Variants in SPAST observed in about 807,000 individuals in gnomAD.
SPAST encodes spastin, also known as spastic paraplegia 4 (autosomal dominant; spastin).
A neutral mutation model predicts 76.6 loss-of-function variants in SPAST; 30 were observed. That is an observed-to-expected ratio of 0.39 (90% CI 0.29 to 0.53). The LOEUF (loss-of-function observed/expected upper bound fraction) is 0.53. SPAST is among the 20% of genes least tolerant of loss of function. SPAST has a pLI of 0.68. For synonymous variants in SPAST, 305 were observed against 281.0 expected (o/e 1.09, Z -0.86); for missense variants, 717 against 770.5 (o/e 0.93, Z 0.82).
intron 7 of SPAST, among the ~76,000 whole-genome samples, chr2:32,119,377 C>T (rs548167616): frequency 4.0e-4 from 61 of 152,208 alleles, no homozygotes; most frequent in South Asian, 2.1e-3. Context: ...ACAATAGAGA[C>T]ATTGTTAGAT....
chr2:32,084,484 A>G (rs1273769893), intron 1 of SPAST, among the ~76,000 whole-genome samples: 6 of 152,060 alleles, frequency 3.9e-5, no homozygotes, highest in Non-Finnish European at 8.8e-5. Context: ...TCTTAAGCAT[A>G]TATCTTAAAG....
intron 1 of SPAST, among the ~76,000 whole-genome samples, chr2:32,086,938 CTT>C (rs930017664): frequency 7.2e-5 from 11 of 152,190 alleles, no homozygotes; most frequent in Admixed American, 4.6e-4. Context: ...TAAAGCTTAA[CTT>C]GTATCAGGAA....
intron 12 of SPAST, among the ~76,000 whole-genome samples, chr2:32,137,462 G>T (rs149625936): frequency 2.2e-4 from 33 of 152,292 alleles, no homozygotes; most frequent in African/African-American, 7.0e-4. Flanking sequence ...CTTGAAAATT[G>T]ATTCTTACCG....
intron 1 of SPAST, among the ~76,000 whole-genome samples, chr2:32,085,696 T>C (rs1362509816): frequency 6.6e-6 from 1 of 152,108 alleles, no homozygotes; most frequent in Non-Finnish European, 1.5e-5. Context: ...TAGTACATAG[T>C]CATAAGGAGA....
intron 1 of SPAST, among the ~76,000 whole-genome samples, chr2:32,064,456 A>G (rs777207097): frequency 5.7e-4 from 87 of 152,132 alleles, no homozygotes; most frequent in Non-Finnish European, 1.1e-3. Flanking sequence ...GTAGCTGTCG[A>G]CTTTGTTTCA....
intron 1 of SPAST, among the ~76,000 whole-genome samples, chr2:32,075,547 C>CTTTTTTTTTTTTTTT (rs773998404): frequency 2.3e-5 from 2 of 85,494 alleles, no homozygotes; most frequent in Non-Finnish European, 4.1e-5. Flanking sequence ...TGGCTTTTTT[C>CTTTTTTTTTTTTTTT]TTTTTTTTTT....
At chr2:32,115,160 C>G (rs1678781386) in intron 5 of SPAST, among the ~76,000 whole-genome samples, 1 of 151,936 alleles carries the variant, frequency 6.6e-6, no homozygotes, top group South Asian at 2.1e-4. Context: ...GTTGGTCAGG[C>G]TGGTCTCAAA....
Position 32,110,889 on chromosome 2 carries a change from A to G in SPAST, c.683-3749A>G, listed in dbSNP as rs988684353. ...ACAGTATACTATATCGTGTGTATAG[A>G]GTATATATACAGTATACTATATCGT... On this transcript the variant is annotated intron_variant, in intron 4 of 16. Transcript: ENST00000315285. Among the ~76,000 whole-genome samples the G allele has an allele frequency of 5.0e-5, 5 of 100,210 alleles. 1 individual carries two copies. The highest frequency in any genetic ancestry group is 1.9e-4 in the African/African-American group (5 of 26,496). 65.7% of individuals were successfully genotyped at this position (100,210 alleles called of 152,430 possible). A position where few individuals can be genotyped will look rare whatever the true frequency, so the allele number is the denominator to read the frequency against.
intron 16 of SPAST, among the ~76,000 whole-genome samples, chr2:32,151,932 A>C (rs1680099139): frequency 1.3e-5 from 2 of 151,778 alleles, no homozygotes; most frequent in African/African-American, 4.8e-5. Context: ...AAAAAGAAAA[A>C]CCCAACTTAT....
chr2:32,088,617 C>T (rs1396727886), intron 2 of SPAST, among the ~76,000 whole-genome samples: 1 of 152,124 alleles, frequency 6.6e-6, no homozygotes, highest in African/African-American at 2.4e-5. Flanking sequence ...GCACTCCAGC[C>T]TGGGCAACAA....
chr2:32,154,544 C>T lies in SPAST; in HGVS notation c.*48C>T, dbSNP rs1680191616. 1.3e-6 allele frequency: 2 copies of T among 1,591,926 alleles called. No homozygotes were observed. Among genetic ancestry groups the T allele is most frequent in the Admixed American group, 1.7e-5 (1 of 59,956 alleles). ...AGAACATTTTACTTAAAAGAGGAAA[C>T]ACAAGATCTTCAATGAACGTCATCG... On this transcript the variant is annotated 3_prime_UTR_variant, in exon 17 of 17. Transcript: ENST00000315285.
rs574505158 is a variant in SPAST at position 32,146,282 on chromosome 2, G to A, written c.1688-936G>A. Among the ~76,000 whole-genome samples the A allele has an allele frequency of 3.3e-5, 5 of 152,312 alleles. No homozygotes were observed. The East Asian group carries it at 9.7e-4, about 29-fold the overall frequency. ...TCCATTAAAGTACAGAAAATGGCCGGGTGCAGTGGCTCACACCTATAATCC... is the reference window on the plus strand; with the variant it reads ...TCCATTAAAGTACAGAAAATGGCCGAGTGCAGTGGCTCACACCTATAATCC... On this transcript the variant is annotated intron_variant, in intron 15 of 16. Coordinates refer to ENST00000315285, the MANE Select transcript of SPAST (RefSeq NM_014946.4).
chr2:32,137,229 C>A (rs775776504), intron 12 of SPAST, 41 bp downstream of exon 12: 30 of 1,353,160 alleles, frequency 2.2e-5, no homozygotes, highest in Non-Finnish European at 3.0e-5. Flanking sequence ...TTATTACAGA[C>A]AATATTTACT....
chr2:32,082,591 G>C (rs1249089061), intron 1 of SPAST, among the ~76,000 whole-genome samples: 1 of 151,988 alleles, frequency 6.6e-6, no homozygotes, highest in African/African-American at 2.4e-5. Context: ...AGCTACTTGG[G>C]AGGCTGAGGC....
Position 32,064,204 on chromosome 2 carries a change from G to A in SPAST, c.373G>A (p.Glu125Lys). The change falls in exon 1 of 17, where the codon GAG becomes AAG. Residue 125 changes from glutamate to lysine, a missense_variant. By Grantham distance (56) the Glu-to-Lys change is moderately conservative (BLOSUM62 1). Around this residue, in one of 3 missense-constraint regions of SPAST, gnomAD observed 543 missense variants for 445.2 expected, o/e 1.22. Transcript: ENST00000315285. ...RVRVFHKQAF[E>K]YISIALRIDE... ...CCGAGTCTTCCACAAACAGGCCTTC[G>A]AGTACATCTCCATTGCCCTGCGCAT... 6.5e-7 allele frequency: 1 copy of A among 1,549,784 alleles called. No homozygotes were observed. The highest frequency in any genetic ancestry group is 8.7e-7 in the Non-Finnish European group (1 of 1,147,482).
chr2:32,096,367 A>G (rs1192928418), intron 3 of SPAST, among the ~76,000 whole-genome samples: 3 of 152,174 alleles, frequency 2.0e-5, no homozygotes, highest in East Asian at 1.9e-4. Flanking sequence ...CCCATAAGGC[A>G]GAGGTTGCAA....
At chr2:32,090,666 G>C (rs576671000) in intron 3 of SPAST, among the ~76,000 whole-genome samples, 1 of 152,178 alleles carries the variant, frequency 6.6e-6, no homozygotes, top group African/African-American at 2.4e-5. Flanking sequence ...TTAATGTACA[G>C]GTTCATCTGT....
chr2:32,128,692 A>AG, intron 9 of SPAST: 1 of 549,602 alleles, frequency 1.8e-6, no homozygotes, highest in Non-Finnish European at 3.3e-6. Context: ...GCCATGTAAT[A>AG]AAATACCGTA....
At chr2:32,115,238 G>A (rs746536811) in intron 5 of SPAST, among the ~76,000 whole-genome samples, 5 of 152,032 alleles carry the variant, frequency 3.3e-5, no homozygotes, top group Admixed American at 6.6e-5. Context: ...GTGAGCCACC[G>A]TGCCCAAAGT....
Sources: allele counts gnomAD v4.1 joint callset (sites outside exome capture counted in the v4.1 genomes callset), GRCh38; gene constraint gnomAD v4.1.1; regional missense constraint gnomAD v4.1.1; transcripts MANE v1.5; gene names NCBI Gene and HGNC (gene_info 2026-07-23, HGNC 2026-07-21).